Variants in ST6GAL1 observed in about 807,000 individuals in gnomAD.
The protein encoded by ST6GAL1 is beta-galactoside alpha-2,6-sialyltransferase 1.
A neutral mutation model predicts 38.0 loss-of-function variants in ST6GAL1; 20 were observed. The ratio of observed to expected loss-of-function variants is 0.53; its 90% CI spans 0.37 to 0.77. The LOEUF is 0.77. ST6GAL1 is among the 30% of genes least tolerant of loss of function. The probability of loss-of-function intolerance (pLI) is 0.00; values close to 1 mark genes in which losing one functional copy is unlikely to be tolerated. For missense variants in ST6GAL1, 432 were observed against 496.4 expected (o/e 0.87, Z 1.23); for synonymous variants, 196 against 188.2 (o/e 1.04, Z -0.34).
chr3:187,024,493 T>TATATAGAGAGAG (rs1275438498), intron 2 of ST6GAL1, among the ~76,000 whole-genome samples: 1 of 85,772 alleles, frequency 1.2e-5, no homozygotes, highest in Admixed American at 1.2e-4. Context: ...TATATATATA[T>TATATAGAGAGAG]AGAGAGAGAG....
intron 1 of ST6GAL1, among the ~76,000 whole-genome samples, chr3:186,932,573 T>C (rs1713796743): frequency 1.3e-5 from 2 of 152,198 alleles, no homozygotes; most frequent in African/African-American, 4.8e-5. Context: ...TCCCCTCAAA[T>C]TGGAATAAGG....
intron 1 of ST6GAL1, chr3:186,931,484 T>A (rs1713750118): frequency 6.6e-6 from 1 of 152,294 alleles, no homozygotes; most frequent in South Asian, 2.1e-4. Flanking sequence ...CCAGGCTGAG[T>A]CGGTCCCCGG....
intron 2 of ST6GAL1, among the ~76,000 whole-genome samples, chr3:187,015,149 G>T (rs774065253): frequency 6.6e-6 from 1 of 152,190 alleles, no homozygotes; most frequent in South Asian, 2.1e-4. Context: ...GGAGGGTACA[G>T]CATCCCCTGC....
intron 2 of ST6GAL1, among the ~76,000 whole-genome samples, chr3:186,969,074 C>G (rs1474651282): frequency 7.8e-5 from 9 of 115,092 alleles, no homozygotes; most frequent in South Asian, 2.7e-4. Context: ...TTTTTTGAGA[C>G]AGATTCTCAC....
chr3:187,039,251 G>A (rs1318973074), intron 3 of ST6GAL1, among the ~76,000 whole-genome samples: 1 of 152,156 alleles, frequency 6.6e-6, no homozygotes, highest in African/African-American at 2.4e-5. Flanking sequence ...CCAGTTCTTT[G>A]AAGGTGATGA....
intron 3 of ST6GAL1, chr3:187,041,993 G>A (rs1441297037): frequency 4.7e-5 from 7 of 147,438 alleles, no homozygotes; most frequent in Admixed American, 6.8e-5. Context: ...TCTCAGCAGT[G>A]CTCTTCTTGC....
At chr3:187,011,753 T>G (rs528364410) in intron 2 of ST6GAL1, among the ~76,000 whole-genome samples, 214 of 152,354 alleles carry the variant, frequency 1.4e-3, no homozygotes, top group Non-Finnish European at 2.7e-3. Context: ...CTGTAAAATT[T>G]TATTTCTGTA....
intron 1 of ST6GAL1, among the ~76,000 whole-genome samples, chr3:186,948,336 G>A (rs1030545363): frequency 1.3e-5 from 2 of 152,210 alleles, no homozygotes; most frequent in Admixed American, 1.3e-4. Flanking sequence ...CAGAAGTACC[G>A]ATGAGGACAA....
intron 4 of ST6GAL1, among the ~76,000 whole-genome samples, chr3:187,044,088 A>G (rs992338372): frequency 6.6e-6 from 1 of 152,204 alleles, no homozygotes; most frequent in African/African-American, 2.4e-5. Context: ...TTATTCTCTA[A>G]GGGATCTGTG....
In ST6GAL1 at chr3:186,966,552, C is replaced by T. The variant is rs536134673; in HGVS notation, c.-183+2626C>T. ...AATGCAGTTCCCACACACAGAGTCT[C>T]TCCCGTCGGGGAATATCATTCCATC... On this transcript the variant is annotated intron_variant, in intron 2 of 7. Coordinates refer to ENST00000169298, the MANE Select transcript of ST6GAL1 (RefSeq NM_173216.2). Among the ~76,000 whole-genome samples, 84 of 152,374 alleles carry T rather than the reference C, an allele frequency of 5.5e-4. No individual in the cohort carries two copies. The South Asian group carries it at 7.0e-3, about 13-fold the overall frequency.
intron 5 of ST6GAL1, among the ~76,000 whole-genome samples, chr3:187,067,093 T>C (rs1482882489): frequency 1.1e-5 from 1 of 94,332 alleles, no homozygotes; most frequent in African/African-American, 5.5e-5. Flanking sequence ...TTTTTTTTTT[T>C]TTTTTTTTTT....
chr3:187,001,866 G>C (rs1386274085), intron 2 of ST6GAL1, among the ~76,000 whole-genome samples: 1 of 150,986 alleles, frequency 6.6e-6, no homozygotes, highest in African/African-American at 2.4e-5. Context: ...TGAGGCAGGA[G>C]AATTGCTTGA....
intron 2 of ST6GAL1, among the ~76,000 whole-genome samples, chr3:186,990,041 T>C (rs770280833): frequency 3.3e-5 from 5 of 152,228 alleles, no homozygotes; most frequent in Non-Finnish European, 2.9e-5. Context: ...CTTGGGCAAG[T>C]GGCTTAGTTC....
At chr3:186,996,216 ACT>A (rs766916592) in intron 2 of ST6GAL1, among the ~76,000 whole-genome samples, 3 of 152,014 alleles carry the variant, frequency 2.0e-5, no homozygotes, top group Admixed American at 6.6e-5. Flanking sequence ...CACCCAAGAA[ACT>A]CTGTGTATTT....
At chr3:186,940,305 T>C (rs1156905721) in intron 1 of ST6GAL1, among the ~76,000 whole-genome samples, 1 of 152,178 alleles carries the variant, frequency 6.6e-6, no homozygotes, top group African/African-American at 2.4e-5. Context: ...TTTTAGAGTA[T>C]TCAAATGGGG....
chr3:186,942,054 A>G (rs1714198123), intron 1 of ST6GAL1, among the ~76,000 whole-genome samples: 1 of 151,884 alleles, frequency 6.6e-6, no homozygotes, highest in Admixed American at 6.6e-5. Context: ...TTGCCATCAG[A>G]GGACTTCTGC....
At chr3:187,060,970 T>A (rs1307340933) in intron 5 of ST6GAL1, among the ~76,000 whole-genome samples, 1 of 152,198 alleles carries the variant, frequency 6.6e-6, no homozygotes, top group Non-Finnish European at 1.5e-5. Flanking sequence ...GGAAGAAGGA[T>A]GGGTACAGTA....
chr3:187,046,430 C>G (rs76540536), intron 4 of ST6GAL1, among the ~76,000 whole-genome samples: 1 of 152,046 alleles, frequency 6.6e-6, no homozygotes, highest in African/African-American at 2.4e-5. Context: ...GATCAGATAT[C>G]GAGATAGATT....
At chr3:187,008,390 A>G (rs1238426626) in intron 2 of ST6GAL1, among the ~76,000 whole-genome samples, 8 of 151,642 alleles carry the variant, frequency 5.3e-5, no homozygotes, top group African/African-American at 1.9e-4. Flanking sequence ...GGAAGGAAGG[A>G]AGGAAGAAAC....
Sources: allele counts gnomAD v4.1 joint callset (sites outside exome capture counted in the v4.1 genomes callset), GRCh38; gene constraint gnomAD v4.1.1; transcripts MANE v1.5; gene names NCBI Gene and HGNC (gene_info 2026-07-23, HGNC 2026-07-21).